VRTN: variants seen among roughly 807,000 people sequenced by gnomAD.
VRTN encodes vertnin.
Under a neutral mutation model 18.2 loss-of-function variants are expected in VRTN, and 5 were observed. That is an observed-to-expected ratio of 0.27 (90% CI 0.14 to 0.58). The LOEUF (loss-of-function observed/expected upper bound fraction) is 0.58, where lower values mean the gene tolerates loss of function less well. Ranked by LOEUF, VRTN falls within the 20% of genes least tolerant of loss-of-function variation. VRTN has a pLI of 0.91. For synonymous variants in VRTN, 381 were observed against 393.7 expected (o/e 0.97, Z 0.38); for missense variants, 741 against 939.4 (o/e 0.79, Z 2.76).
chr14:74,311,307 C>T (rs1013716070), intron 1 of VRTN, among the ~76,000 whole-genome samples: 7 of 152,082 alleles, frequency 4.6e-5, no homozygotes, highest in Non-Finnish European at 8.8e-5. Context: ...GAATCTTTCC[C>T]GAAATGTTTT....
chr14:74,354,620 G>A (rs1407749683), intron 1 of VRTN, among the ~76,000 whole-genome samples: 2 of 152,050 alleles, frequency 1.3e-5, no homozygotes, highest in African/African-American at 4.8e-5. Flanking sequence ...GGCCAGGATG[G>A]TCTCGATCTC....
intron 1 of VRTN, among the ~76,000 whole-genome samples, chr14:74,317,893 A>C (rs2085427818): frequency 6.6e-6 from 1 of 152,226 alleles, no homozygotes; most frequent in Non-Finnish European, 1.5e-5. Flanking sequence ...TTGGAGGCCA[A>C]CATGGGAGTA....
Position 74,358,348 on chromosome 14 carries a change from G to A in VRTN, c.1565G>A (p.Gly522Glu), listed in dbSNP as rs1354861619. The change falls in exon 2 of 2, where the codon GGG (glycine) becomes GAG (glutamate). Residue 522 changes from glycine to glutamate, a missense_variant. Coordinates refer to ENST00000256362, the MANE Select transcript of VRTN (RefSeq NM_018228.3). The surrounding 1 kb of genome is among the most constrained non-coding windows in gnomAD (Gnocchi z 5.4). ...GCTGCCCGCAGGCAGGTGCTGAGTG[G>A]GCATCTCCCTTTCTGCCGCTTCCGC... ...RRAARRQVLS[G>E]HLPFCRFRLR... 1 of 1,613,556 alleles carries A rather than the reference G, an allele frequency of 6.2e-7. No homozygotes were observed. Among genetic ancestry groups the A allele is most frequent in the Admixed American group, 1.7e-5 (1 of 60,026 alleles).
chr14:74,306,085 A>ATT (rs1487900381), intron 1 of VRTN: 9 of 147,132 alleles, frequency 6.1e-5, no homozygotes, highest in African/African-American at 1.2e-4. Flanking sequence ...AAATTTAAAG[A>ATT]TTATATATAT....
At chr14:74,355,927 G>T (rs552072403) in intron 1 of VRTN, among the ~76,000 whole-genome samples, 25 of 151,834 alleles carry the variant, frequency 1.6e-4, no homozygotes, top group African/African-American at 5.6e-4. Flanking sequence ...GGATTCCCAG[G>T]CTCAGATGAT....
intron 1 of VRTN, among the ~76,000 whole-genome samples, chr14:74,316,884 G>A (rs1375425245): frequency 1.2e-4 from 18 of 151,868 alleles, no homozygotes; most frequent in African/African-American, 3.1e-4. Flanking sequence ...TGATCCGCCC[G>A]TCTCGGCCTC....
chr14:74,344,244 T>TCCAAAAAAAAAAA (rs760737512), upstream of VRTN, among the ~76,000 whole-genome samples: 4 of 2,478 alleles, frequency 1.6e-3, 1 homozygote, highest in Admixed American at 5.5e-3. Flanking sequence ...CTCTGCTTTC[T>TCCAAAAAAAAAAA]ACAAAAAAAA....
At chr14:74,319,225 G>T (rs1441270480) in intron 1 of VRTN, among the ~76,000 whole-genome samples, 2 of 151,610 alleles carry the variant, frequency 1.3e-5, no homozygotes, top group African/African-American at 4.8e-5. Flanking sequence ...GTAGAGATGG[G>T]GTTTCACTAT....
intron 1 of VRTN, among the ~76,000 whole-genome samples, chr14:74,318,118 C>G (rs973878424): frequency 6.6e-6 from 1 of 152,018 alleles, no homozygotes; most frequent in Non-Finnish European, 1.5e-5. Flanking sequence ...GAACCTGTCT[C>G]AAAAATAAAA....
At chr14:74,346,958 T>C (rs986055834), upstream of VRTN, among the ~76,000 whole-genome samples, 1 of 152,176 alleles carries the variant, frequency 6.6e-6, no homozygotes, top group East Asian at 1.9e-4. Context: ...GAGAACATAG[T>C]GTGGAAAGAA....
intron 1 of VRTN, among the ~76,000 whole-genome samples, chr14:74,310,108 A>G (rs1567037555): frequency 6.6e-6 from 1 of 151,736 alleles, no homozygotes; most frequent in Non-Finnish European, 1.5e-5. Flanking sequence ...TATTAATAAG[A>G]AGGAGATGGC....
chr14:74,334,258 G>A (rs1228809066), intron 1 of VRTN, among the ~76,000 whole-genome samples: 1 of 152,262 alleles, frequency 6.6e-6, no homozygotes, highest in African/African-American at 2.4e-5. Flanking sequence ...GCTGGGCACA[G>A]TGGCTCATGC....
intron 2 of VRTN, among the ~76,000 whole-genome samples, chr14:74,340,935 G>C (rs1005000214): frequency 6.6e-6 from 1 of 151,798 alleles, no homozygotes; most frequent in Non-Finnish European, 1.5e-5. Context: ...GTAGAGACGG[G>C]GTTTCACCAT....
At chr14:74,330,450 T>TC (rs1381055383) in intron 1 of VRTN, among the ~76,000 whole-genome samples, 1 of 151,338 alleles carries the variant, frequency 6.6e-6, no homozygotes, top group Middle Eastern at 3.2e-3. Flanking sequence ...ACTTTTTTTT[T>TC]TTTTTTTTGA....
chr14:74,329,561 T>C (rs908959399), intron 1 of VRTN, among the ~76,000 whole-genome samples: 2 of 151,162 alleles, frequency 1.3e-5, no homozygotes, highest in African/African-American at 4.9e-5. Context: ...GTGTGAGCCA[T>C]AGTGCCTGGC....
At chr14:74,304,318 G>A (rs2085276957) in intron 1 of VRTN, among the ~76,000 whole-genome samples, 1 of 150,450 alleles carries the variant, frequency 6.6e-6, no homozygotes, top group Non-Finnish European at 1.5e-5. Flanking sequence ...CACTATACCC[G>A]GCTAATTTTG....
chr14:74,310,832 C>T (rs1595161688), intron 1 of VRTN, among the ~76,000 whole-genome samples: 2 of 152,100 alleles, frequency 1.3e-5, no homozygotes, highest in South Asian at 4.2e-4. Context: ...GCCACTGCAC[C>T]CGGTGAGGTT....
chr14:74,332,243 G>A (rs762924397), intron 1 of VRTN, among the ~76,000 whole-genome samples: 46 of 145,812 alleles, frequency 3.2e-4, no homozygotes, highest in Non-Finnish European at 4.5e-5. Flanking sequence ...CTCCCTCAAA[G>A]CAACTGCTGC....
chr14:74,307,971 A>AC (rs2085365018), intron 1 of VRTN, among the ~76,000 whole-genome samples: 2 of 152,098 alleles, frequency 1.3e-5, no homozygotes, highest in South Asian at 4.1e-4. Context: ...CTTGTGATCT[A>AC]CCTGCCTCAG....
Sources: allele counts gnomAD v4.1 joint callset (sites outside exome capture counted in the v4.1 genomes callset), GRCh38; gene constraint gnomAD v4.1.1; non-coding constraint Gnocchi (gnomAD v3.1); transcripts MANE v1.5; gene names NCBI Gene and HGNC (gene_info 2026-07-23, HGNC 2026-07-21).